The following NTNG2 variants were observed in gnomAD, a reference collection of about 807,000 sequenced individuals.
NTNG2 encodes netrin-G2.
A neutral mutation model predicts 47.6 loss-of-function variants in NTNG2; 15 were observed. The ratio of observed to expected loss-of-function variants is 0.32; its 90% CI spans 0.21 to 0.49. The LOEUF (loss-of-function observed/expected upper bound fraction) is 0.49. Ranked by LOEUF, NTNG2 falls within the 20% of genes least tolerant of loss-of-function variation. The pLI, the probability that NTNG2 is intolerant of heterozygous loss-of-function variation, is 0.99. For missense variants in NTNG2, 578 were observed against 764.6 expected, an observed-to-expected ratio of 0.76 and a Z score of 2.88; for synonymous variants, 307 against 324.6, an observed-to-expected ratio of 0.95 and a Z score of 0.58.
intron 2 of NTNG2, among the ~76,000 whole-genome samples, chr9:132,187,935 G>C (rs1225299450): frequency 1.3e-5 from 2 of 152,214 alleles, no homozygotes; most frequent in Non-Finnish European, 2.9e-5. Flanking sequence ...TTTGTGAACG[G>C]GGAAACCAAG....
At chr9:132,178,880 T>C (rs1201972932) in intron 2 of NTNG2, among the ~76,000 whole-genome samples, 1 of 139,928 alleles carries the variant, frequency 7.1e-6, no homozygotes, top group Non-Finnish European at 1.5e-5. Flanking sequence ...TTCTTGAACC[T>C]GGGAGGCGGA....
At chr9:132,164,084 T>A (rs533274450) in intron 1 of NTNG2, among the ~76,000 whole-genome samples, 28 of 152,320 alleles carry the variant, frequency 1.8e-4, no homozygotes, top group African/African-American at 6.3e-4. Context: ...CTTCTCTTTT[T>A]TCTTTTTGGC....
intron 2 of NTNG2, among the ~76,000 whole-genome samples, chr9:132,196,085 T>C (rs1464001324): frequency 5.9e-5 from 9 of 152,114 alleles, no homozygotes; most frequent in Admixed American, 1.3e-4. Flanking sequence ...TGATGAACCA[T>C]TGTTGATACA....
Position 132,231,670 on chromosome 9 carries a change from A to C in NTNG2, c.1054+1075A>C. The C allele has an allele frequency of 3.9e-6, 1 of 256,008 alleles. No homozygotes were observed. Among genetic ancestry groups the C allele is most frequent in the Non-Finnish European group, 7.8e-6 (1 of 128,256 alleles). The allele number at this position is 256,008 out of a possible 1,614,324, so 15.9% of individuals were successfully genotyped here. The stretch of plus-strand genomic sequence containing the variant: ...ATCAGCAGGTCCCAGAAAGACCCCG[A>C]CCCCAAAGGCCCTGTGGCCACTGCG... On this transcript the variant is annotated intron_variant, in intron 5 of 7. Coordinates refer to ENST00000393229, the MANE Select transcript of NTNG2 (RefSeq NM_032536.4). The surrounding 1 kb of genome is among the most constrained non-coding windows in gnomAD (Gnocchi z 4.1).
At chr9:132,164,445 C>G (rs942889134) in intron 1 of NTNG2, among the ~76,000 whole-genome samples, 2 of 152,180 alleles carry the variant, frequency 1.3e-5, no homozygotes, top group Non-Finnish European at 2.9e-5. Context: ...AAGCCGCAGC[C>G]CGGCGTCCTG....
chr9:132,168,244 G>A (rs527565171), intron 2 of NTNG2, among the ~76,000 whole-genome samples: 3 of 152,322 alleles, frequency 2.0e-5, no homozygotes, highest in South Asian at 2.1e-4. Context: ...TCCGGAGGCC[G>A]TCCCTGGCAG....
At chr9:132,228,094 C>T (rs779599436) in intron 4 of NTNG2, among the ~76,000 whole-genome samples, 11 of 152,260 alleles carry the variant, frequency 7.2e-5, no homozygotes, top group Non-Finnish European at 1.3e-4. Flanking sequence ...TGCATGCCAA[C>T]GCCAGGGCTT....
chr9:132,236,072 C>T lies in NTNG2; in HGVS notation c.1055-3032C>T, dbSNP rs1841604055. 6.6e-6 allele frequency among the ~76,000 whole-genome samples: 1 copy of T among 152,240 alleles called. No individual in the cohort carries two copies. Among genetic ancestry groups the T allele is most frequent in the Admixed American group, 6.5e-5 (1 of 15,292 alleles). ...CCCCGCCTCCCACGACAGGAACCCC[C>T]CTCTCCAGCTGCCCTTGCTCACAGG... On this transcript the variant is annotated intron_variant, in intron 5 of 7. Coordinates refer to ENST00000393229, the MANE Select transcript of NTNG2 (RefSeq NM_032536.4). The surrounding 1 kb of genome is among the most constrained non-coding windows in gnomAD (Gnocchi z 4.3).
Position 132,208,983 on chromosome 9 carries a change from T to C in NTNG2, c.857+10374T>C, listed in dbSNP as rs1454308548. On this transcript the variant is annotated intron_variant, in intron 3 of 7. Coordinates refer to ENST00000393229, the MANE Select transcript of NTNG2 (RefSeq NM_032536.4). The surrounding 1 kb of genome is among the most constrained non-coding windows in gnomAD (Gnocchi z 4.0). ...GTCTCCTTCGTTCTCACTGTGCCTC[T>C]GAGGCTTATGGCGTGGCCGCCTGCG... is the stretch of plus-strand genomic sequence containing the variant. 1.3e-5 allele frequency among the ~76,000 whole-genome samples: 2 copies of C among 152,174 alleles called. No homozygotes were observed. Among genetic ancestry groups the C allele is most frequent in the Non-Finnish European group, 1.5e-5 (1 of 68,024 alleles).
At chr9:132,190,527 C>T (rs528037474) in intron 2 of NTNG2, among the ~76,000 whole-genome samples, 8 of 152,312 alleles carry the variant, frequency 5.3e-5, no homozygotes, top group East Asian at 1.9e-4. Flanking sequence ...CGCCCCTCCA[C>T]GGCCTCCTTA....
chr9:132,195,371 C>T (rs11792800), intron 2 of NTNG2, among the ~76,000 whole-genome samples: 44,161 of 151,842 alleles, frequency 0.29, 6,585 homozygotes, highest in East Asian at 0.36. Flanking sequence ...CGCAGTGGCG[C>T]GATCTCGGCT....
chr9:132,197,249 C>T lies in NTNG2; in HGVS notation c.214-717C>T, dbSNP rs1838382754. Among the ~76,000 whole-genome samples the T allele has an allele frequency of 2.0e-5, 3 of 152,032 alleles. No homozygotes were observed. Among genetic ancestry groups the T allele is most frequent in the South Asian group, 2.1e-4 (1 of 4,826 alleles). ...ACTAAAAACACAAAAATTAGCCGGG[C>T]GTGGTGGTGCATGCCTGTAATCCCA... On this transcript the variant is annotated intron_variant, in intron 2 of 7. Transcript: ENST00000393229. The surrounding 1 kb of genome is among the most constrained non-coding windows in gnomAD (Gnocchi z 4.3).
intron 1 of NTNG2, 143 bp from the exon 2 acceptor site, chr9:132,166,206 C>T (rs908445479): frequency 6.4e-6 from 1 of 156,762 alleles, no homozygotes; most frequent in African/African-American, 2.4e-5. Flanking sequence ...CATTCTAGTC[C>T]AGTCACACAG....
intron 7 of NTNG2, 105 bp downstream of exon 7, chr9:132,241,149 G>C: frequency 3.6e-6 from 5 of 1,373,046 alleles, no homozygotes; most frequent in Non-Finnish European, 4.8e-6. Flanking sequence ...CGGTGGACTG[G>C]GCCTAGCAAG....
chr9:132,226,921 C>T lies in NTNG2; in HGVS notation c.930C>T (p.Asn310=), dbSNP rs1186170333. 2 of 1,613,062 alleles carry T rather than the reference C, an allele frequency of 1.2e-6. No individual in the cohort carries two copies. The highest frequency in any genetic ancestry group is 1.7e-5 in the Admixed American group (1 of 59,978). ...EGSLQCECEH[N]TTGPDCGKCK... The stretch of plus-strand genomic sequence containing the variant: ...GCCTGCAGTGCGAGTGCGAGCACAA[C>T]ACCACCGGCCCCGACTGCGGCAAGT... The change falls in exon 4 of 8, where the codon AAC becomes AAT. Residue 310 remains asparagine, a synonymous_variant. Coordinates refer to ENST00000393229, the MANE Select transcript of NTNG2 (RefSeq NM_032536.4). This position sits in a 1 kb window ranked among gnomAD's most constrained non-coding sequence, Gnocchi z 4.8.
intron 3 of NTNG2, among the ~76,000 whole-genome samples, chr9:132,220,607 C>T (rs903854916): frequency 6.6e-6 from 1 of 152,054 alleles, no homozygotes; most frequent in Non-Finnish European, 1.5e-5. Context: ...GCACCCACCA[C>T]CACACCTGGC....
intron 2 of NTNG2, among the ~76,000 whole-genome samples, chr9:132,189,315 G>C (rs11243656): frequency 0.085 from 12,828 of 151,806 alleles, 632 homozygotes; most frequent in Middle Eastern, 0.15. Context: ...CCTCATGGGA[G>C]CTTTCATAAG....
Position 132,226,761 on chromosome 9 carries a change from C to T in NTNG2, c.858-88C>T. 6 of 1,237,146 alleles carry T rather than the reference C, an allele frequency of 4.8e-6. No individual in the cohort carries two copies. The highest frequency in any genetic ancestry group is 5.5e-6 in the Non-Finnish European group (5 of 915,020). 76.6% of individuals were successfully genotyped at this position (1,237,146 alleles called of 1,614,324 possible). A position where few individuals can be genotyped will look rare whatever the true frequency, so the allele number is the denominator to read the frequency against. ...TGGGCAGCCCAACACCCTCCTGGGC[C>T]CCTCCTGGGAGGCGCTCCTTTCCCC... is the stretch of plus-strand genomic sequence containing the variant. On this transcript the variant is annotated intron_variant, in intron 3 of 7. Coordinates refer to ENST00000393229, the MANE Select transcript of NTNG2 (RefSeq NM_032536.4). The surrounding 1 kb of genome is among the most constrained non-coding windows in gnomAD (Gnocchi z 4.8).
Position 132,196,964 on chromosome 9 carries a change from T to C in NTNG2, c.214-1002T>C, listed in dbSNP as rs1227086720. Among the ~76,000 whole-genome samples, 6 of 152,166 alleles carry C rather than the reference T, an allele frequency of 3.9e-5. No homozygotes were observed. The South Asian group carries it at 8.3e-4, about 21-fold the overall frequency. On this transcript the variant is annotated intron_variant, in intron 2 of 7. Coordinates refer to ENST00000393229, the MANE Select transcript of NTNG2 (RefSeq NM_032536.4). ...AACTCAGAAAGGCATTTTCCCTACA[T>C]TTACCTGTTTATCAAGTTCAGGAAC...
Sources: gnomAD v4.1 joint callset for allele counts (sites outside exome capture counted in the v4.1 genomes callset) on GRCh38, gnomAD v4.1.1 for gene constraint, Gnocchi (gnomAD v3.1) non-coding constraint, MANE v1.5 for transcripts, NCBI Gene and HGNC (gene_info 2026-07-23, HGNC 2026-07-21) for gene names.